Variants in RPA3 observed in about 807,000 individuals in gnomAD.
The protein encoded by RPA3 is replication protein A3, also known as replication protein A 14 kDa subunit.
A neutral mutation model predicts 13.7 loss-of-function variants in RPA3; 24 were observed. That is an observed-to-expected ratio of 1.75 (90% CI 1.27 to 2.46). RPA3 has a LOEUF of 2.46. Among genes scored for constraint, RPA3 ranks in the 30% most tolerant of loss-of-function variants. The probability of loss-of-function intolerance (pLI) is 0.00; values close to 1 mark genes in which losing one functional copy is unlikely to be tolerated. For synonymous variants in RPA3, 59 were observed against 51.2 expected (o/e 1.15, Z -0.65); for missense variants, 183 against 151.0 (o/e 1.21, Z -1.11).
At chr7:7,683,333 T>C (rs182633424) in intron 4 of RPA3, among the ~76,000 whole-genome samples, 1 of 152,216 alleles carries the variant, frequency 6.6e-6, no homozygotes, top group Non-Finnish European at 1.5e-5. Context: ...CAGGAATTGA[T>C]TTTTTCCCCC....
intron 4 of RPA3, among the ~76,000 whole-genome samples, chr7:7,676,899 T>A (rs558537744): frequency 6.6e-6 from 1 of 152,236 alleles, no homozygotes; most frequent in East Asian, 1.9e-4. Flanking sequence ...AACTCTTTTT[T>A]AAAAAATTGA....
At chr7:7,650,034 G>A (rs1057323235) in intron 4 of RPA3, among the ~76,000 whole-genome samples, 1 of 152,104 alleles carries the variant, frequency 6.6e-6, no homozygotes, top group Non-Finnish European at 1.5e-5. Context: ...CCTAATTCAT[G>A]GTATTTTGTT....
intron 1 of RPA3, among the ~76,000 whole-genome samples, chr7:7,716,137 AGAG>A (rs1216161327): frequency 1.3e-5 from 2 of 152,298 alleles, no homozygotes; most frequent in East Asian, 3.9e-4. Flanking sequence ...CTAAATATGA[AGAG>A]GAGGAGGAGA....
intron 4 of RPA3, among the ~76,000 whole-genome samples, chr7:7,664,424 A>G (rs562643702): frequency 6.6e-6 from 1 of 152,196 alleles, no homozygotes. Context: ...GTAATGTCCA[A>G]CAAATCCTGT....
chr7:7,656,083 C>T (rs1479904881), intron 4 of RPA3, among the ~76,000 whole-genome samples: 5 of 152,118 alleles, frequency 3.3e-5, no homozygotes, highest in Admixed American at 3.3e-4. Flanking sequence ...GATCCGCCTG[C>T]CTCTGCCTCC....
chr7:7,639,157 C>T lies in RPA3; in HGVS notation c.100-13G>A, dbSNP rs1350791010. 1.9e-6 allele frequency: 3 copies of T among 1,599,134 alleles called. No homozygotes were observed. The highest frequency in any genetic ancestry group is 2.6e-6 in the Non-Finnish European group (3 of 1,171,330). On this transcript the variant is annotated splice_polypyrimidine_tract_variant and intron_variant, in intron 5 of 7. Coordinates refer to ENST00000223129, the MANE Select transcript of RPA3 (RefSeq NM_002947.5). ...CGGTGGGATGAATCTAAAAACGAAA[C>T]ATATAATTAAAATCTCACTAAAACA...
At chr7:7,683,959 T>G (rs929602526) in intron 4 of RPA3, among the ~76,000 whole-genome samples, 1 of 152,208 alleles carries the variant, frequency 6.6e-6, no homozygotes, top group African/African-American at 2.4e-5. Context: ...CAGTTTTCCC[T>G]TGGTATCTGT....
intron 4 of RPA3, among the ~76,000 whole-genome samples, chr7:7,650,775 C>G (rs1364227437): frequency 2.0e-5 from 3 of 152,210 alleles, no homozygotes; most frequent in Non-Finnish European, 4.4e-5. Context: ...TGATCACTCT[C>G]CATCCAGTGA....
At chr7:7,651,227 A>C (rs548019200) in intron 4 of RPA3, among the ~76,000 whole-genome samples, 2 of 152,350 alleles carry the variant, frequency 1.3e-5, no homozygotes, top group East Asian at 3.9e-4. Flanking sequence ...AAGGACAAGG[A>C]TCTACAAATC....
Position 7,709,275 on chromosome 7 carries a change from A to T in RPA3, c.-1028+5900T>A, listed in dbSNP as rs533981436. Among the ~76,000 whole-genome samples the T allele has an allele frequency of 5.3e-5, 8 of 152,292 alleles. No individual in the cohort carries two copies. In the South Asian group the frequency reaches 1.2e-3, roughly 24 times the overall value. Reference sequence around the variant, plus strand: ...TACTTTTAATATGGATTTAACTGAGATTCTAGACTATATTCTTTGTAAATA... The same window carrying T: ...TACTTTTAATATGGATTTAACTGAGTTTCTAGACTATATTCTTTGTAAATA... On this transcript the variant is annotated intron_variant, in intron 2 of 7. Coordinates refer to ENST00000223129, the MANE Select transcript of RPA3 (RefSeq NM_002947.5).
At chr7:7,665,009 A>G (rs1397614558) in intron 4 of RPA3, among the ~76,000 whole-genome samples, 1 of 152,070 alleles carries the variant, frequency 6.6e-6, no homozygotes, top group Non-Finnish European at 1.5e-5. Context: ...ATAGATATAT[A>G]TATATACACA....
At chr7:7,696,845 T>A (rs565382826) in intron 2 of RPA3, among the ~76,000 whole-genome samples, 2 of 152,248 alleles carry the variant, frequency 1.3e-5, no homozygotes, top group African/African-American at 4.8e-5. Context: ...TTCTTCTTTT[T>A]TTTTTTAAAG....
rs200517572 is a variant in RPA3 at position 7,713,360 on chromosome 7, AAAAC to A, written c.-1028+1811_-1028+1814del. Among the ~76,000 whole-genome samples the A allele has an allele frequency of 8.7e-4, 133 of 152,020 alleles. 2 individuals are homozygous for A. In the East Asian group the frequency reaches 0.014, roughly 16 times the overall value. On this transcript the variant is annotated intron_variant, in intron 2 of 7. Coordinates refer to ENST00000223129, the MANE Select transcript of RPA3 (RefSeq NM_002947.5). ...CTCCATCTCAAAACAAAACAAAACA[AAAAC>A]AAACAAACAAACAAATCTAAGTTTA...
intron 1 of RPA3, among the ~76,000 whole-genome samples, chr7:7,716,890 G>A (rs913458064): frequency 4.6e-5 from 7 of 152,216 alleles, no homozygotes; most frequent in African/African-American, 1.7e-4. Context: ...AGCATGCTAT[G>A]TAAATGGCAC....
intron 4 of RPA3, among the ~76,000 whole-genome samples, chr7:7,643,637 G>T (rs978215889): frequency 6.6e-6 from 1 of 151,600 alleles, no homozygotes; most frequent in Non-Finnish European, 1.5e-5. Flanking sequence ...GCGTGAACCC[G>T]AGAGGCGGAG....
chr7:7,704,098 G>T (rs1780534140), intron 2 of RPA3, among the ~76,000 whole-genome samples: 1 of 152,152 alleles, frequency 6.6e-6, no homozygotes, highest in Admixed American at 6.5e-5. Context: ...TGTGTGTGAG[G>T]CTGTGTTTTC....
intron 6 of RPA3, chr7:7,638,539 C>T (rs1784900997): frequency 8.7e-6 from 1 of 115,058 alleles, no homozygotes; most frequent in Non-Finnish European, 2.0e-5. Context: ...GCCATCTTTA[C>T]AAAAAACAAA....
At chr7:7,640,016 A>C in intron 5 of RPA3, 1 of 381,760 alleles carries the variant, frequency 2.6e-6, no homozygotes, top group Non-Finnish European at 4.8e-6. Flanking sequence ...GTAAACTAAG[A>C]AATCTGAAGG....
At chr7:7,715,667 A>G (rs1417904433) in intron 1 of RPA3, among the ~76,000 whole-genome samples, 3 of 152,196 alleles carry the variant, frequency 2.0e-5, no homozygotes, top group Admixed American at 2.0e-4. Flanking sequence ...ACAAATTTCC[A>G]GAAAAAAATG....
Sources: allele counts gnomAD v4.1 joint callset (sites outside exome capture counted in the v4.1 genomes callset), GRCh38; gene constraint gnomAD v4.1.1; transcripts MANE v1.5; gene names NCBI Gene and HGNC (gene_info 2026-07-23, HGNC 2026-07-21).